The following GAS2 variants were observed in gnomAD, a reference collection of about 807,000 sequenced individuals.
The protein encoded by GAS2 is growth arrest-specific protein 2.
In GAS2, 20 loss-of-function variants were observed where a neutral mutation model predicts 37.5. The observed-to-expected ratio is 0.53, with a 90% confidence interval of 0.37 to 0.77. GAS2 has a LOEUF of 0.77. Among genes scored for constraint, GAS2 ranks in the 30% least tolerant of loss-of-function variants. The pLI, the probability that GAS2 is intolerant of heterozygous loss-of-function variation, is 0.00. For synonymous variants in GAS2, 144 were observed against 132.2 expected, an observed-to-expected ratio of 1.09 and a Z score of -0.61; for missense variants, 336 against 373.4, an observed-to-expected ratio of 0.90 and a Z score of 0.82.
At chr11:22,799,091 C>G (rs1166126724) in intron 7 of GAS2, among the ~76,000 whole-genome samples, 1 of 152,024 alleles carries the variant, frequency 6.6e-6, no homozygotes, top group South Asian at 2.1e-4. Flanking sequence ...CATATGATAT[C>G]CCAGGGGGCT....
At chr11:22,737,114 T>G (rs7116865) in intron 4 of GAS2, among the ~76,000 whole-genome samples, 141,771 of 152,212 alleles carry the variant, frequency 0.93, 66,844 homozygotes, top group East Asian at 1. Flanking sequence ...AATTCAGTCA[T>G]TTGAAATTGT....
At chr11:22,660,888 C>T (rs1195675919) in intron 1 of GAS2, among the ~76,000 whole-genome samples, 5 of 152,170 alleles carry the variant, frequency 3.3e-5, no homozygotes, top group Non-Finnish European at 5.9e-5. Flanking sequence ...AGGATGCTTC[C>T]TGATCCATTA....
intron 7 of GAS2, among the ~76,000 whole-genome samples, chr11:22,786,777 T>C (rs1301070991): frequency 6.6e-6 from 1 of 152,178 alleles, no homozygotes; most frequent in Admixed American, 6.5e-5. Context: ...TTGTATCTCC[T>C]TCAGTGCTAA....
At chr11:22,701,754 G>A (rs924957251) in intron 3 of GAS2, among the ~76,000 whole-genome samples, 3 of 151,086 alleles carry the variant, frequency 2.0e-5, no homozygotes, top group African/African-American at 7.3e-5. Context: ...ACTTGAACCT[G>A]GAAGGTGGAG....
intron 3 of GAS2, among the ~76,000 whole-genome samples, chr11:22,708,616 A>G (rs142909378): frequency 3.9e-5 from 6 of 152,270 alleles, no homozygotes; most frequent in African/African-American, 4.8e-5. Flanking sequence ...GCCCGTGACT[A>G]TATATGGAAT....
intron 7 of GAS2, among the ~76,000 whole-genome samples, chr11:22,766,271 T>C (rs1854689487): frequency 6.6e-6 from 1 of 151,876 alleles, no homozygotes; most frequent in South Asian, 2.1e-4. Context: ...CTCACAACTC[T>C]TTGAGGTAGG....
At chr11:22,633,051 C>A (rs925653772) in intron 1 of GAS2, among the ~76,000 whole-genome samples, 1 of 151,876 alleles carries the variant, frequency 6.6e-6, no homozygotes, top group Non-Finnish European at 1.5e-5. Flanking sequence ...AACTCTTTAT[C>A]TGGTATTTTA....
intron 7 of GAS2, among the ~76,000 whole-genome samples, chr11:22,765,057 C>G (rs1179572592): frequency 6.6e-6 from 1 of 152,134 alleles, no homozygotes; most frequent in Non-Finnish European, 1.5e-5. Flanking sequence ...AGTCAAATGA[C>G]GTCATTGAAA....
intron 7 of GAS2, among the ~76,000 whole-genome samples, chr11:22,808,022 T>A (rs1856975954): frequency 6.6e-6 from 1 of 152,208 alleles, no homozygotes; most frequent in Non-Finnish European, 1.5e-5. Flanking sequence ...AATGTCTATG[T>A]TTATTCAAAA....
intron 5 of GAS2, among the ~76,000 whole-genome samples, chr11:22,740,217 A>C (rs1049744568): frequency 6.6e-6 from 1 of 152,186 alleles, no homozygotes; most frequent in African/African-American, 2.4e-5. Flanking sequence ...CATTATGTGA[A>C]TAGTTCCTCC....
chr11:22,646,790 G>A (rs1436955942), intron 1 of GAS2, among the ~76,000 whole-genome samples: 5 of 152,034 alleles, frequency 3.3e-5, no homozygotes, highest in Admixed American at 6.6e-5. Context: ...CACACAGCTT[G>A]CTTTGTCATT....
chr11:22,804,488 C>T (rs1273004846), intron 7 of GAS2, among the ~76,000 whole-genome samples: 1 of 151,958 alleles, frequency 6.6e-6, no homozygotes, highest in African/African-American at 2.4e-5. Context: ...TTTCTCTGTG[C>T]AGTCAGTTAA....
Position 22,729,105 on chromosome 11 carries a change from T to A in GAS2, c.409+2672T>A, listed in dbSNP as rs1218718440. Among the ~76,000 whole-genome samples, 4 of 151,792 alleles carry A rather than the reference T, an allele frequency of 2.6e-5. No individual in the cohort carries two copies. The East Asian group carries it at 7.8e-4, about 29-fold the overall frequency. On this transcript the variant is annotated intron_variant, in intron 4 of 7. Transcript: ENST00000454584. ...GAAGCACATCCTTTGTGTCCTAGTG[T>A]TTTGAACAGCAAATAAAATGAAAAG...
intron 3 of GAS2, among the ~76,000 whole-genome samples, chr11:22,699,702 A>T (rs549504207): frequency 1.3e-5 from 2 of 152,278 alleles, no homozygotes; most frequent in East Asian, 3.9e-4. Context: ...TCATTTGTAA[A>T]ATGTAGTAAT....
intron 7 of GAS2, among the ~76,000 whole-genome samples, chr11:22,803,589 A>G (rs1489912644): frequency 1.3e-5 from 2 of 152,280 alleles, no homozygotes; most frequent in South Asian, 2.1e-4. Flanking sequence ...ATCCTGCCTA[A>G]GTTGCTTAAC....
At chr11:22,654,299 A>G (rs1438100400) in intron 1 of GAS2, among the ~76,000 whole-genome samples, 1 of 152,164 alleles carries the variant, frequency 6.6e-6, no homozygotes, top group Non-Finnish European at 1.5e-5. Context: ...TGGTACAGGG[A>G]TATTTTTAAA....
chr11:22,689,844 A>G (rs567381072), intron 3 of GAS2, among the ~76,000 whole-genome samples: 1 of 152,330 alleles, frequency 6.6e-6, no homozygotes, highest in East Asian at 1.9e-4. Flanking sequence ...GTGTTCATGT[A>G]TGTGTTTGTA....
chr11:22,732,523 T>G (rs746424745), intron 4 of GAS2, among the ~76,000 whole-genome samples: 10 of 151,758 alleles, frequency 6.6e-5, no homozygotes, highest in Admixed American at 4.0e-4. Flanking sequence ...TTTTCCTTCT[T>G]CTCAGCAGCC....
At position 22,674,978 on chromosome 11, in the gene GAS2, AAAG is replaced by A. The variant is rs1331287600; in HGVS notation, c.114_116del (p.Glu38del). 1 of 1,613,950 alleles carries A rather than the reference AAAG, an allele frequency of 6.2e-7. No homozygotes were observed. The highest frequency in any genetic ancestry group is 2.2e-5 in the East Asian group (1 of 44,882). ...ACATGAAGCTAATTTGCTACCAATG[AAAG>A]AAGATCTGGCCTTGTGGTTAACCAA... On this transcript the variant is annotated inframe_deletion, in exon 2 of 8. Transcript: ENST00000454584.
Sources: allele counts gnomAD v4.1 joint callset (sites outside exome capture counted in the v4.1 genomes callset), GRCh38; gene constraint gnomAD v4.1.1; transcripts MANE v1.5; gene names NCBI Gene and HGNC (gene_info 2026-07-23, HGNC 2026-07-21).